The following ROR2 variants were observed in gnomAD, a reference collection of about 807,000 sequenced individuals.
The protein encoded by ROR2 is tyrosine-protein kinase transmembrane receptor ROR2.
A neutral mutation model predicts 74.9 loss-of-function variants in ROR2; 33 were observed. That is an observed-to-expected ratio of 0.44 (90% CI 0.33 to 0.59). The LOEUF (loss-of-function observed/expected upper bound fraction) is 0.59. ROR2 is among the 20% of genes least tolerant of loss of function. The pLI is 0.02. For missense variants in ROR2, 1,216 were observed against 1,313.8 expected (o/e 0.93, Z 1.15); for synonymous variants, 586 against 558.7 (o/e 1.05, Z -0.69).
chr9:91,831,484 C>T (rs989432435), intron 1 of ROR2, among the ~76,000 whole-genome samples: 1 of 151,938 alleles, frequency 6.6e-6, no homozygotes, highest in African/African-American at 2.4e-5. Context: ...TGCAAAAAAG[C>T]AAGTGAACAG....
chr9:91,730,859 A>C, intron 7 of ROR2, 51 bp downstream of exon 7: 1 of 1,612,630 alleles, frequency 6.2e-7, no homozygotes, highest in Non-Finnish European at 8.5e-7. Context: ...CCCTCATCAC[A>C]AGGTTCACTC....
intron 2 of ROR2, among the ~76,000 whole-genome samples, chr9:91,758,661 G>A (rs1023839574): frequency 3.9e-5 from 6 of 152,198 alleles, no homozygotes; most frequent in African/African-American, 1.4e-4. Flanking sequence ...AATAGGAGCT[G>A]GAAACACTGC....
chr9:91,904,933 GCA>G, intron 1 of ROR2, among the ~76,000 whole-genome samples: 1 of 151,124 alleles, frequency 6.6e-6, no homozygotes, highest in Admixed American at 6.6e-5. Flanking sequence ...CACACACACA[GCA>G]CATACACCAC....
chr9:91,858,394 G>A (rs145418207), intron 1 of ROR2, among the ~76,000 whole-genome samples: 13 of 151,830 alleles, frequency 8.6e-5, no homozygotes, highest in Non-Finnish European at 1.6e-4. Context: ...CATTCACACA[G>A]GCATACATTC....
At chr9:91,885,628 T>C (rs1265244723) in intron 1 of ROR2, among the ~76,000 whole-genome samples, 1 of 152,134 alleles carries the variant, frequency 6.6e-6, no homozygotes, top group African/African-American at 2.4e-5. Context: ...TAATTCCAAA[T>C]AGAAATAACA....
intron 1 of ROR2, among the ~76,000 whole-genome samples, chr9:91,861,862 G>A (rs1165775922): frequency 6.6e-6 from 1 of 152,184 alleles, no homozygotes; most frequent in African/African-American, 2.4e-5. Flanking sequence ...TTTGTATTTA[G>A]ATTATATAAA....
intron 1 of ROR2, among the ~76,000 whole-genome samples, chr9:91,932,620 C>T (rs1025838098): frequency 4.0e-5 from 6 of 150,970 alleles, no homozygotes; most frequent in Non-Finnish European, 7.4e-5. Flanking sequence ...GCCAAGATTG[C>T]GCCATTGCAC....
chr9:91,915,549 G>A (rs1231160948), intron 1 of ROR2, among the ~76,000 whole-genome samples: 1 of 152,056 alleles, frequency 6.6e-6, no homozygotes, highest in Non-Finnish European at 1.5e-5. Context: ...GACCCAAAGA[G>A]TGAGCAGCAG....
chr9:91,940,202 C>T (rs915569837), intron 1 of ROR2, among the ~76,000 whole-genome samples: 11 of 152,174 alleles, frequency 7.2e-5, no homozygotes, highest in Non-Finnish European at 1.5e-4. Context: ...TCAGACAACA[C>T]CAGGGCTCCT....
intron 1 of ROR2, among the ~76,000 whole-genome samples, chr9:91,884,827 T>A (rs1159885211): frequency 6.6e-6 from 1 of 152,146 alleles, no homozygotes; most frequent in Non-Finnish European, 1.5e-5. Flanking sequence ...CATATTAACA[T>A]GCACAGAACT....
At chr9:91,789,392 G>A (rs1277261459) in intron 1 of ROR2, among the ~76,000 whole-genome samples, 2 of 152,084 alleles carry the variant, frequency 1.3e-5, no homozygotes, top group Non-Finnish European at 2.9e-5. Flanking sequence ...ACTAGTAAAG[G>A]TAACTAAGTA....
intron 1 of ROR2, among the ~76,000 whole-genome samples, chr9:91,940,033 C>A (rs968734440): frequency 1.3e-5 from 2 of 152,222 alleles, no homozygotes; most frequent in Admixed American, 6.5e-5. Context: ...GGGCTCTGCA[C>A]CCAGAGGGCC....
chr9:91,825,133 G>A (rs1249465752), intron 1 of ROR2, among the ~76,000 whole-genome samples: 1 of 152,234 alleles, frequency 6.6e-6, no homozygotes, highest in Non-Finnish European at 1.5e-5. Flanking sequence ...ACCGCTGGCA[G>A]CATGTCTGTA....
At chr9:91,890,207 T>C (rs374948475) in intron 1 of ROR2, among the ~76,000 whole-genome samples, 2 of 152,120 alleles carry the variant, frequency 1.3e-5, no homozygotes, top group South Asian at 2.1e-4. Context: ...GGGCCACCGA[T>C]GGAGACACCA....
intron 1 of ROR2, among the ~76,000 whole-genome samples, chr9:91,876,944 C>CA (rs1829972451): frequency 6.6e-6 from 1 of 152,104 alleles, no homozygotes; most frequent in East Asian, 1.9e-4. Context: ...AGGGCCAAGC[C>CA]ACAACTGAGA....
rs764317522 is a variant in ROR2, at chr9:91,724,010, C to T, written c.2484G>A (p.Pro828=). 4.7e-5 allele frequency: 76 copies of T among 1,612,384 alleles called. No individual in the cohort carries two copies. Among genetic ancestry groups the T allele is most frequent in the East Asian group, 1.1e-4 (5 of 44,882 alleles). Residue 828 remains proline, a synonymous_variant, in exon 9 of 9, where the codon CCG becomes CCA. Coordinates refer to ENST00000375708, the MANE Select transcript of ROR2 (RefSeq NM_004560.4). ...YVPVNGYQPV[P]AYGAYLPNFY... is the part of the protein sequence containing the mutation. ...AGTTGGGCAGGTAGGCCCCATAGGC[C>T]GGCACCGGCTGGTAGCCGTTGACGG...
At chr9:91,740,912 T>C (rs548004921) in intron 4 of ROR2, among the ~76,000 whole-genome samples, 2 of 152,212 alleles carry the variant, frequency 1.3e-5, no homozygotes, top group African/African-American at 4.8e-5. Context: ...CTGCCCCTCA[T>C]GCTGCCAGGC....
chr9:91,889,960 A>T (rs2119394141), intron 1 of ROR2, among the ~76,000 whole-genome samples: 1 of 152,276 alleles, frequency 6.6e-6, no homozygotes. Context: ...TCCTGTAGCC[A>T]AAGCTCCTGG....
At chr9:91,752,348 G>T (rs189706025) in intron 4 of ROR2, among the ~76,000 whole-genome samples, 3 of 152,200 alleles carry the variant, frequency 2.0e-5, no homozygotes, top group Non-Finnish European at 4.4e-5. Context: ...CCTTCAACAG[G>T]AGAATGGATA....
Sources: gnomAD v4.1 joint callset for allele counts (sites outside exome capture counted in the v4.1 genomes callset) on GRCh38, gnomAD v4.1.1 for gene constraint, MANE v1.5 for transcripts, NCBI Gene and HGNC (gene_info 2026-07-23, HGNC 2026-07-21) for gene names.